Variants in RASA4B observed in about 807,000 individuals in gnomAD.
RASA4B encodes the protein RAS p21 protein activator 4B, also known as ras GTPase-activating protein 4B.
A neutral mutation model predicts 24.2 loss-of-function variants in RASA4B; 2 were observed. That is an observed-to-expected ratio of 0.08 (90% CI 0.03 to 0.26). The LOEUF is 0.26. Among genes scored for constraint, RASA4B ranks in the 10% least tolerant of loss-of-function variants. The pLI is 1.00. For missense variants in RASA4B, 8 were observed against 277.2 expected (o/e 0.03, Z 6.90); for synonymous variants, 2 against 125.6 (o/e 0.02, Z 6.58).
chr7:102,480,998 T>C lies in RASA4B; in HGVS notation c.*2594A>G, dbSNP rs1586755785. On this transcript the variant is annotated 3_prime_UTR_variant, in exon 21 of 21. Transcript: ENST00000465829. ...AGTTGATTAGTGTTCAAATTTCCAATTGCCTCATAAAAAGATCATTTCTTA... is the reference window on the plus strand; with the variant it reads ...AGTTGATTAGTGTTCAAATTTCCAACTGCCTCATAAAAAGATCATTTCTTA... 2.2e-5 allele frequency among the ~76,000 whole-genome samples: 2 copies of C among 91,508 alleles called. 1 individual carries two copies. The highest frequency in any genetic ancestry group is 6.0e-5 in the Non-Finnish European group (2 of 33,450). The allele number at this position is 91,508 out of a possible 152,430, so 60.0% of individuals were successfully genotyped here.
At chr7:102,507,974 GA>G (rs1799589893) in intron 4 of RASA4B, among the ~76,000 whole-genome samples, 1 of 101,430 alleles carries the variant, frequency 9.9e-6, no homozygotes, top group Non-Finnish European at 2.1e-5. Flanking sequence ...GAACTGGTTT[GA>G]ACCCTCAGAG....
rs1489839617 is a variant in RASA4B at position 102,480,162 on chromosome 7, G to A, written c.*3430C>T. Among the ~76,000 whole-genome samples the A allele has an allele frequency of 7.2e-5, 11 of 152,130 alleles. No homozygotes were observed. The highest frequency in any genetic ancestry group is 2.4e-4 in the African/African-American group (10 of 41,440). ...GAGGGCTCCTTGGTCTAGCGGTAAC[G>A]CCAGCATCTGGGAAGACACCTGTTG... On this transcript the variant is annotated 3_prime_UTR_variant, in exon 21 of 21. Transcript: ENST00000465829.
At chr7:102,492,667 A>ATT (rs66464003) in intron 16 of RASA4B, among the ~76,000 whole-genome samples, 2 of 128,112 alleles carry the variant, frequency 1.6e-5, no homozygotes, top group African/African-American at 2.8e-5. Flanking sequence ...CTCCATATTC[A>ATT]TTTTTTTTTT....
chr7:102,512,918 G>A (rs1292721807), intron 1 of RASA4B, among the ~76,000 whole-genome samples: 7 of 149,942 alleles, frequency 4.7e-5, no homozygotes, highest in Non-Finnish European at 1.0e-4. Context: ...AGGGGAGGGA[G>A]AGGGACAGAG....
At chr7:102,494,272 GA>G (rs1358380934) in intron 14 of RASA4B, among the ~76,000 whole-genome samples, 3 of 140,198 alleles carry the variant, frequency 2.1e-5, no homozygotes, top group African/African-American at 7.3e-5. Flanking sequence ...AGAGTAAGCA[GA>G]CCCGGGTTGG....
At chr7:102,498,410 C>T (rs1213139007) in intron 8 of RASA4B, among the ~76,000 whole-genome samples, 209 of 136,174 alleles carry the variant, frequency 1.5e-3, no homozygotes, top group African/African-American at 5.0e-3. Flanking sequence ...TAGAGGTGCC[C>T]GCCACCACAT....
At chr7:102,489,734 C>T (rs1798851311) in intron 17 of RASA4B, among the ~76,000 whole-genome samples, 1 of 146,910 alleles carries the variant, frequency 6.8e-6, no homozygotes, top group African/African-American at 2.5e-5. Flanking sequence ...CCCTCCCTTG[C>T]TCCCTTAGTC....
intron 17 of RASA4B, among the ~76,000 whole-genome samples, chr7:102,489,611 GC>G (rs1349971931): frequency 6.7e-6 from 1 of 148,270 alleles, no homozygotes; most frequent in African/African-American, 2.5e-5. Flanking sequence ...TCCTGCCTCA[GC>G]CCCCCAAGTA....
intron 17 of RASA4B, among the ~76,000 whole-genome samples, chr7:102,490,729 C>T (rs1196555883): frequency 2.7e-5 from 4 of 149,824 alleles, no homozygotes; most frequent in Non-Finnish European, 5.9e-5. Flanking sequence ...CCACAGCAGC[C>T]AGGCCACTCC....
intron 8 of RASA4B, among the ~76,000 whole-genome samples, chr7:102,499,193 A>ATATATATAT (rs796973422): frequency 1.3e-4 from 13 of 100,574 alleles, no homozygotes; most frequent in African/African-American, 3.8e-4. Flanking sequence ...TCAAAAAAAA[A>ATATATATAT]ATATATATAT....
At chr7:102,495,716 G>GC (rs1799087626) in intron 11 of RASA4B, among the ~76,000 whole-genome samples, 1 of 15,778 alleles carries the variant, frequency 6.3e-5, no homozygotes, top group African/African-American at 1.4e-4. Flanking sequence ...TCTCTTTGGG[G>GC]GGGGGGGGGG....
At chr7:102,486,678 G>GT (rs1375507768) in intron 18 of RASA4B, among the ~76,000 whole-genome samples, 8 of 3,074 alleles carry the variant, frequency 2.6e-3, no homozygotes, top group African/African-American at 3.4e-3. Flanking sequence ...TTGTTTTTTT[G>GT]TTTTTTTTTT....
At chr7:102,507,536 T>C in intron 4 of RASA4B, among the ~76,000 whole-genome samples, 1 of 148,450 alleles carries the variant, frequency 6.7e-6, no homozygotes. Flanking sequence ...AAAGATGGAG[T>C]CTTGCTATGT....
intron 17 of RASA4B, among the ~76,000 whole-genome samples, chr7:102,489,503 ATTTAT>A (rs1466386613): frequency 7.5e-6 from 1 of 133,676 alleles, no homozygotes; most frequent in Non-Finnish European, 1.6e-5. Context: ...TAATTTATTT[ATTTAT>A]TTTGAGATGG....
intron 6 of RASA4B, among the ~76,000 whole-genome samples, chr7:102,502,245 G>A (rs1586776407): frequency 2.9e-4 from 1 of 3,500 alleles, no homozygotes; most frequent in East Asian, 1.9e-3. Context: ...CTATGAGGAC[G>A]CAAAGGCATA....
At chr7:102,495,723 G>GGGGT in intron 11 of RASA4B, among the ~76,000 whole-genome samples, 1 of 62,586 alleles carries the variant, frequency 1.6e-5, no homozygotes, top group Admixed American at 2.0e-4. Context: ...GGGGGGGGGG[G>GGGGT]GGGTGCGGGG....
At chr7:102,504,679 C>CAA (rs371687112) in intron 5 of RASA4B, among the ~76,000 whole-genome samples, 1,332 of 95,416 alleles carry the variant, frequency 0.014, 11 homozygotes, top group African/African-American at 0.051. Context: ...CAGACTGCCT[C>CAA]AAAAAAAAAA....
At chr7:102,498,075 T>G (rs1458601304) in intron 8 of RASA4B, among the ~76,000 whole-genome samples, 55 of 117,720 alleles carry the variant, frequency 4.7e-4, no homozygotes, top group African/African-American at 1.5e-3. Flanking sequence ...TATTAACTAT[T>G]TTTTTTAGAG....
intron 17 of RASA4B, among the ~76,000 whole-genome samples, chr7:102,489,793 T>C (rs28485042): frequency 2.2e-3 from 252 of 116,710 alleles, no homozygotes; most frequent in African/African-American, 3.6e-3. Context: ...TTTTTTTTTT[T>C]TTTTTTTTTT....
Sources: allele counts gnomAD v4.1 joint callset (sites outside exome capture counted in the v4.1 genomes callset), GRCh38; gene constraint gnomAD v4.1.1; transcripts MANE v1.5; gene names NCBI Gene and HGNC (gene_info 2026-07-23, HGNC 2026-07-21).